Variants in TMEM132D observed in about 807,000 individuals in gnomAD.
The protein encoded by TMEM132D is mature OL transmembrane protein.
TMEM132D carries 21 observed loss-of-function variants against 62.3 expected under a neutral mutation model. That is an observed-to-expected ratio of 0.34 (90% CI 0.24 to 0.49). TMEM132D has a LOEUF of 0.49. Among genes scored for constraint, TMEM132D ranks in the 20% least tolerant of loss-of-function variants. TMEM132D has a pLI of 0.99. For synonymous variants in TMEM132D, 621 were observed against 575.6 expected, an observed-to-expected ratio of 1.08 and a Z score of -1.13; for missense variants, 1,346 against 1,402.8, an observed-to-expected ratio of 0.96 and a Z score of 0.65.
intron 4 of TMEM132D, among the ~76,000 whole-genome samples, chr12:129,299,472 A>G (rs1881656887): frequency 9.1e-6 from 1 of 110,064 alleles, no homozygotes; most frequent in African/African-American, 3.4e-5. Context: ...ACTGTTTTTC[A>G]TTTAATTGAT....
chr12:129,847,154 C>G (rs2137349348), intron 1 of TMEM132D, among the ~76,000 whole-genome samples: 1 of 152,312 alleles, frequency 6.6e-6, no homozygotes, highest in East Asian at 1.9e-4. Flanking sequence ...TAATCTATTT[C>G]TGGTTCACTT....
intron 3 of TMEM132D, among the ~76,000 whole-genome samples, chr12:129,500,450 C>CT (rs397820437): frequency 0.56 from 84,591 of 151,554 alleles, 24,432 homozygotes; most frequent in African/African-American, 0.72. Context: ...CTATGGATGG[C>CT]TTAGTAAGCT....
At chr12:129,806,659 A>T (rs907922584) in intron 1 of TMEM132D, among the ~76,000 whole-genome samples, 1 of 152,010 alleles carries the variant, frequency 6.6e-6, no homozygotes, top group Non-Finnish European at 1.5e-5. Flanking sequence ...TAACCTGCAC[A>T]ATGTGCACAT....
chr12:129,703,061 T>C (rs768402979), intron 1 of TMEM132D, among the ~76,000 whole-genome samples: 1 of 152,232 alleles, frequency 6.6e-6, no homozygotes, highest in Non-Finnish European at 1.5e-5. Context: ...AAAACACATC[T>C]TGGCACCACT....
intron 2 of TMEM132D, among the ~76,000 whole-genome samples, chr12:129,584,657 G>T (rs1335983134): frequency 2.0e-5 from 3 of 152,216 alleles, no homozygotes; most frequent in African/African-American, 7.2e-5. Context: ...TAAAGAGGAC[G>T]AAGGAACCAG....
intron 1 of TMEM132D, among the ~76,000 whole-genome samples, chr12:129,835,288 G>T (rs1336652095): frequency 6.6e-6 from 1 of 152,006 alleles, no homozygotes; most frequent in South Asian, 2.1e-4. Context: ...GTTTTGAGGG[G>T]TTCGTCTTTG....
intron 5 of TMEM132D, among the ~76,000 whole-genome samples, chr12:129,179,053 G>C (rs1325881732): frequency 6.6e-6 from 1 of 152,188 alleles, no homozygotes; most frequent in African/African-American, 2.4e-5. Flanking sequence ...AATGCCAGCT[G>C]TGTGAAAGAG....
At position 129,822,081 on chromosome 12, in the gene TMEM132D, C is replaced by G. The variant is rs185425966; in HGVS notation, c.79+81180G>C. Among the ~76,000 whole-genome samples the G allele has an allele frequency of 2.5e-3, 379 of 152,194 alleles. 2 individuals carry two copies. The highest frequency in any genetic ancestry group is 8.6e-3 in the African/African-American group (359 of 41,526). On this transcript the variant is annotated intron_variant, in intron 1 of 8. Coordinates refer to ENST00000422113, the MANE Select transcript of TMEM132D (RefSeq NM_133448.3). ...GAAATAAATACATCAGAGAGACAATCTGAGACACACGCTGGAGGATCAAAG... is the reference window on the plus strand; with the variant it reads ...GAAATAAATACATCAGAGAGACAATGTGAGACACACGCTGGAGGATCAAAG...
Position 129,173,977 on chromosome 12 carries a change from G to T in TMEM132D, c.1443+35543C>A, listed in dbSNP as rs566272763. Reference sequence around the variant, plus strand: ...AATTTTGGAGTAATTTTAAGTTGTGGTTCAAGAAAAGAGGGAAATACGAAT... The same window carrying T: ...AATTTTGGAGTAATTTTAAGTTGTGTTTCAAGAAAAGAGGGAAATACGAAT... On this transcript the variant is annotated intron_variant, in intron 5 of 8. Transcript: ENST00000422113. Among the ~76,000 whole-genome samples the T allele has an allele frequency of 1.7e-3, 263 of 152,230 alleles. 1 individual carries two copies. The highest frequency in any genetic ancestry group is 6.1e-3 in the African/African-American group (253 of 41,526).
intron 3 of TMEM132D, among the ~76,000 whole-genome samples, chr12:129,460,162 C>G (rs142993732): frequency 8.5e-4 from 129 of 152,306 alleles, no homozygotes; most frequent in African/African-American, 2.9e-3. Context: ...TCTACTTCTA[C>G]GTGCTCCTGT....
At chr12:129,447,119 C>T (rs1211031803) in intron 3 of TMEM132D, among the ~76,000 whole-genome samples, 1 of 152,158 alleles carries the variant, frequency 6.6e-6, no homozygotes, top group African/African-American at 2.4e-5. Flanking sequence ...CTCATCTTCC[C>T]TGACACTGGG....
At chr12:129,570,287 C>T (rs1231573502) in intron 2 of TMEM132D, among the ~76,000 whole-genome samples, 1 of 152,212 alleles carries the variant, frequency 6.6e-6, no homozygotes, top group Non-Finnish European at 1.5e-5. Flanking sequence ...GCTCTACTCT[C>T]AGGTTCTCCT....
intron 2 of TMEM132D, among the ~76,000 whole-genome samples, chr12:129,639,688 C>T (rs970882183): frequency 1.3e-5 from 2 of 152,170 alleles, no homozygotes; most frequent in East Asian, 1.9e-4. Flanking sequence ...TGCTCAGGAC[C>T]CTCCAGTCGC....
At chr12:129,278,106 C>T (rs981207960) in intron 4 of TMEM132D, among the ~76,000 whole-genome samples, 1 of 152,196 alleles carries the variant, frequency 6.6e-6, no homozygotes, top group African/African-American at 2.4e-5. Flanking sequence ...TAACTGCTCA[C>T]TCCTTTACAT....
intron 4 of TMEM132D, among the ~76,000 whole-genome samples, chr12:129,251,541 GC>G (rs1005351611): frequency 1.3e-5 from 2 of 152,050 alleles, no homozygotes; most frequent in African/African-American, 4.8e-5. Context: ...TTTATACTAA[GC>G]CCCTAAACTT....
At chr12:129,589,940 C>G (rs1034886599) in intron 2 of TMEM132D, among the ~76,000 whole-genome samples, 1 of 152,084 alleles carries the variant, frequency 6.6e-6, no homozygotes, top group African/African-American at 2.4e-5. Context: ...TACTCACTCC[C>G]CTCTGAGACT....
chr12:129,335,324 G>A (rs934216765), intron 4 of TMEM132D, among the ~76,000 whole-genome samples: 3 of 151,694 alleles, frequency 2.0e-5, no homozygotes, highest in Admixed American at 2.0e-4. Context: ...TTTTAGTAGA[G>A]ATGGGGTTTT....
rs1056553888 is a variant in TMEM132D, at chr12:129,327,540, T to C, written c.1299+10094A>G. Among the ~76,000 whole-genome samples, 56 of 152,218 alleles carry C rather than the reference T, an allele frequency of 3.7e-4. 1 individual carries two copies. The highest frequency in any genetic ancestry group is 1.3e-3 in the African/African-American group (53 of 41,458). On this transcript the variant is annotated intron_variant, in intron 4 of 8. Coordinates refer to ENST00000422113, the MANE Select transcript of TMEM132D (RefSeq NM_133448.3). ...GATGGCTTAGATTATAGAACGTTTA[T>C]ATCATCTCGGAAAGTTTCACTGGAC...
intron 5 of TMEM132D, among the ~76,000 whole-genome samples, chr12:129,199,085 A>G (rs1054586962): frequency 1.4e-5 from 2 of 147,566 alleles, no homozygotes; most frequent in Admixed American, 6.8e-5. Flanking sequence ...TCTCATTGCT[A>G]TAACACGTCC....
Sources: allele counts gnomAD v4.1 joint callset (sites outside exome capture counted in the v4.1 genomes callset), GRCh38; gene constraint gnomAD v4.1.1; transcripts MANE v1.5; gene names NCBI Gene and HGNC (gene_info 2026-07-23, HGNC 2026-07-21).